DCAF10: variants seen among roughly 807,000 people sequenced by gnomAD.
DCAF10 encodes the protein DDB1 and CUL4 associated factor 10.
A neutral mutation model predicts 51.9 loss-of-function variants in DCAF10; 19 were observed. The observed-to-expected ratio is 0.37, with a 90% CI of 0.26 to 0.54. DCAF10 has a LOEUF of 0.54. Ranked by LOEUF, DCAF10 falls within the 20% of genes least tolerant of loss-of-function variation. The pLI, the probability that DCAF10 is intolerant of heterozygous loss-of-function variation, is 0.87. For synonymous variants in DCAF10, 291 were observed against 297.1 expected (o/e 0.98, Z 0.21); for missense variants, 510 against 730.6 (o/e 0.70, Z 3.48).
intron 2 of DCAF10, among the ~76,000 whole-genome samples, chr9:37,821,878 T>C (rs1324921324): frequency 6.6e-6 from 1 of 151,746 alleles, no homozygotes; most frequent in Non-Finnish European, 1.5e-5. Context: ...GACAAAGGAC[T>C]AATATCCAGA....
At chr9:37,847,615 CA>C (rs1368436517) in intron 3 of DCAF10, among the ~76,000 whole-genome samples, 1 of 152,078 alleles carries the variant, frequency 6.6e-6, no homozygotes, top group Non-Finnish European at 1.5e-5. Flanking sequence ...AGGCTCTCAC[CA>C]CTTTTTTTTG....
intron 2 of DCAF10, among the ~76,000 whole-genome samples, chr9:37,821,146 T>C (rs1829690861): frequency 6.6e-6 from 1 of 152,062 alleles, no homozygotes; most frequent in Non-Finnish European, 1.5e-5. Context: ...TTTATATAAA[T>C]GGTAGCATTT....
chr9:37,808,492 TAAA>T (rs1439005724), intron 1 of DCAF10, among the ~76,000 whole-genome samples: 1 of 126,560 alleles, frequency 7.9e-6, no homozygotes, highest in Non-Finnish European at 1.6e-5. Context: ...ATATAATATA[TAAA>T]TATATAAAAC....
chr9:37,861,417 T>C lies in DCAF10; in HGVS notation c.1589T>C (p.Val530Ala). 6.2e-7 allele frequency: 1 copy of C among 1,614,184 alleles called. No individual in the cohort carries two copies. The stretch of plus-strand genomic sequence containing the variant: ...CGTTCTCTGTACTCTCATAATGATG[T>C]GGTACTGACAACAAAGTTCTCTCCA... ...VIRSLYSHND[V>A]VLTTKFSPTH... Residue 530 changes from valine to alanine, a missense_variant, in exon 7 of 7, where the codon GTG becomes GCG. Physicochemically the swap from Val to Ala is moderately conservative, Grantham distance 64. Transcript: ENST00000377724. The surrounding 1 kb of genome is among the most constrained non-coding windows in gnomAD (Gnocchi z 4.9).
In DCAF10 at chr9:37,862,369, G is replaced by T. The variant is rs375611916; in HGVS notation, c.*861G>T. 6.6e-6 allele frequency: 1 copy of T among 152,452 alleles called. No individual in the cohort carries two copies. The highest frequency in any genetic ancestry group is 2.4e-5 in the African/African-American group (1 of 41,562). The allele number at this position is 152,452 out of a possible 1,614,324, so 9.4% of individuals were successfully genotyped here. On this transcript the variant is annotated 3_prime_UTR_variant, in exon 7 of 7. Transcript: ENST00000377724. Reference sequence around the variant, plus strand: ...GATTAGTATAATATCTGGCCATAGAGTGATAAGAACAATATGACTTAGATT... The same window carrying T: ...GATTAGTATAATATCTGGCCATAGATTGATAAGAACAATATGACTTAGATT...
chr9:37,843,099 A>T (rs144308819), intron 3 of DCAF10, among the ~76,000 whole-genome samples: 369 of 152,280 alleles, frequency 2.4e-3, no homozygotes, highest in African/African-American at 7.8e-3. Flanking sequence ...CTCACTGCAG[A>T]CTGGATCTCC....
intron 4 of DCAF10, among the ~76,000 whole-genome samples, chr9:37,856,208 A>G (rs777436168): frequency 2.6e-5 from 4 of 152,172 alleles, no homozygotes; most frequent in Non-Finnish European, 5.9e-5. Flanking sequence ...GCACAGGACC[A>G]CTTCTGAAAA....
intron 2 of DCAF10, chr9:37,836,458 T>C: frequency 1.5e-6 from 2 of 1,300,030 alleles, no homozygotes; most frequent in Non-Finnish European, 2.2e-6. Context: ...GATGAGTATG[T>C]TTAAGTGGAG....
In DCAF10 at chr9:37,841,003, C is replaced by A. The variant is rs549490517; in HGVS notation, c.654-1086C>A. Reference sequence around the variant, plus strand: ...GCTATATACCATATATACCATATAACCTCAGTGTGTACCATCTAGGTTTGT... The same window carrying A: ...GCTATATACCATATATACCATATAAACTCAGTGTGTACCATCTAGGTTTGT... On this transcript the variant is annotated intron_variant, in intron 2 of 6. Coordinates refer to ENST00000377724, the MANE Select transcript of DCAF10 (RefSeq NM_024345.5). 1.3e-3 allele frequency among the ~76,000 whole-genome samples: 199 copies of A among 152,176 alleles called. 1 individual carries two copies. Among genetic ancestry groups the A allele is most frequent in the African/African-American group, 4.6e-3 (192 of 41,514 alleles).
At chr9:37,808,614 TA>T (rs1484149838) in intron 1 of DCAF10, among the ~76,000 whole-genome samples, 19 of 88,384 alleles carry the variant, frequency 2.1e-4, no homozygotes, top group African/African-American at 1.9e-4. Flanking sequence ...TATAAAAATA[TA>T]ATATATTTAT....
intron 2 of DCAF10, among the ~76,000 whole-genome samples, chr9:37,820,459 T>G (rs1829669742): frequency 6.6e-6 from 1 of 151,990 alleles, no homozygotes; most frequent in Non-Finnish European, 1.5e-5. Context: ...AAGTCCGGGG[T>G]TTGGTTAAAA....
intron 4 of DCAF10, 37 bp downstream of exon 4, chr9:37,855,019 G>C (rs373996213): frequency 1.3e-6 from 2 of 1,550,772 alleles, no homozygotes; most frequent in African/African-American, 2.8e-5. Flanking sequence ...GATTTTTCTC[G>C]AGAATCTCAA....
chr9:37,822,931 G>C (rs907080373), intron 2 of DCAF10, among the ~76,000 whole-genome samples: 2 of 152,118 alleles, frequency 1.3e-5, no homozygotes, highest in Admixed American at 6.6e-5. Context: ...TTGCACCACT[G>C]CTCTCAGCCT....
chr9:37,861,675 C>A lies in DCAF10; in HGVS notation c.*167C>A. 1 of 902,838 alleles carries A rather than the reference C, an allele frequency of 1.1e-6. No individual in the cohort carries two copies. The highest frequency in any genetic ancestry group is 1.6e-6 in the Non-Finnish European group (1 of 616,794). 55.9% of individuals were successfully genotyped at this position (902,838 alleles called of 1,614,324 possible). On this transcript the variant is annotated 3_prime_UTR_variant, in exon 7 of 7. Coordinates refer to ENST00000377724, the MANE Select transcript of DCAF10 (RefSeq NM_024345.5). The surrounding 1 kb of genome is among the most constrained non-coding windows in gnomAD (Gnocchi z 4.9). ...ACCTTAGTACTTGGTCATCCAGCAT[C>A]ATACAGGCATCTCCAAGTTAGACTC... is the stretch of plus-strand genomic sequence containing the variant.
chr9:37,855,832 T>C (rs569886204), intron 4 of DCAF10, among the ~76,000 whole-genome samples: 3 of 151,754 alleles, frequency 2.0e-5, no homozygotes, highest in East Asian at 1.9e-4. Flanking sequence ...CTGGGCAACA[T>C]AGGAAGACCT....
chr9:37,850,253 T>C (rs552975404), intron 3 of DCAF10, among the ~76,000 whole-genome samples: 1 of 152,186 alleles, frequency 6.6e-6, no homozygotes, highest in African/African-American at 2.4e-5. Context: ...AGAACTACCA[T>C]ATAAATCCAA....
At chr9:37,839,984 G>A (rs1381535905) in intron 2 of DCAF10, among the ~76,000 whole-genome samples, 2 of 152,178 alleles carry the variant, frequency 1.3e-5, no homozygotes, top group African/African-American at 4.8e-5. Flanking sequence ...TTACAGTAAA[G>A]TTGTTCCTTA....
At chr9:37,809,265 G>C (rs975472398) in intron 1 of DCAF10, among the ~76,000 whole-genome samples, 3 of 151,920 alleles carry the variant, frequency 2.0e-5, no homozygotes, top group Non-Finnish European at 4.4e-5. Flanking sequence ...TACTTAGTAG[G>C]AAAATTATAG....
In DCAF10 at chr9:37,865,573, T is replaced by C. The variant is rs1193679081; in HGVS notation, c.*4065T>C. The C allele has an allele frequency of 2.0e-5, 3 of 152,226 alleles. No homozygotes were observed. Among genetic ancestry groups the C allele is most frequent in the Non-Finnish European group, 2.9e-5 (2 of 68,034 alleles). The allele number at this position is 152,226 out of a possible 1,614,324, so 9.4% of individuals were successfully genotyped here. ...TGTTAGTAAATGCAGTACAAATTGTTCTACTGTTTTAAAAAGTTTTCCGCA... is the reference window on the plus strand; with the variant it reads ...TGTTAGTAAATGCAGTACAAATTGTCCTACTGTTTTAAAAAGTTTTCCGCA... On this transcript the variant is annotated 3_prime_UTR_variant, in exon 7 of 7. Transcript: ENST00000377724.
Sources: gnomAD v4.1 joint callset for allele counts (sites outside exome capture counted in the v4.1 genomes callset) on GRCh38, gnomAD v4.1.1 for gene constraint, Gnocchi (gnomAD v3.1) non-coding constraint, MANE v1.5 for transcripts, NCBI Gene and HGNC (gene_info 2026-07-23, HGNC 2026-07-21) for gene names.